WWOX: variants seen among roughly 807,000 people sequenced by gnomAD.
WWOX encodes the protein WW domain-containing oxidoreductase.
A neutral mutation model predicts 46.2 loss-of-function variants in WWOX; 69 were observed. The observed-to-expected ratio is 1.49, with a 90% CI of 1.23 to 1.82. WWOX has a LOEUF of 1.82. Ranked by LOEUF, WWOX falls within the 40% of genes most tolerant of loss-of-function variation. WWOX has a pLI of 0.00. For missense variants in WWOX, 919 were observed against 542.6 expected (o/e 1.69, Z -6.89); for synonymous variants, 359 against 202.6 (o/e 1.77, Z -6.56).
Position 78,346,463 on chromosome 16 carries a change from T to A in WWOX, c.517-40397T>A, listed in dbSNP as rs539984114. Among the ~76,000 whole-genome samples, 83 of 120,156 alleles carry A rather than the reference T, an allele frequency of 6.9e-4. 19 individuals are homozygous for A. Among genetic ancestry groups the A allele is most frequent in the African/African-American group, 2.3e-3 (81 of 35,506 alleles). 78.8% of individuals were successfully genotyped at this position (120,156 alleles called of 152,430 possible). A position where few individuals can be genotyped will look rare whatever the true frequency, so the allele number is the denominator to read the frequency against. On this transcript the variant is annotated intron_variant, in intron 5 of 8. Transcript: ENST00000566780. ...CCGTATAGGGCTATGTATAACTTTT[T>A]AAGAGGTTGGCAAATACTTCCCTAA... is the stretch of plus-strand genomic sequence containing the variant.
At chr16:78,953,482 A>G (rs2046103996) in intron 8 of WWOX, among the ~76,000 whole-genome samples, 1 of 152,098 alleles carries the variant, frequency 6.6e-6, no homozygotes, top group East Asian at 1.9e-4. Flanking sequence ...TATGCAGTTT[A>G]AATTGCTGAT....
intron 8 of WWOX, among the ~76,000 whole-genome samples, chr16:78,438,156 A>G (rs958820676): frequency 6.6e-6 from 1 of 152,236 alleles, no homozygotes; most frequent in Non-Finnish European, 1.5e-5. Flanking sequence ...TGCTTTATGT[A>G]TCAGCATATA....
intron 6 of WWOX, among the ~76,000 whole-genome samples, chr16:78,413,587 A>G (rs1399611426): frequency 1.3e-5 from 2 of 152,054 alleles, no homozygotes; most frequent in Non-Finnish European, 2.9e-5. Flanking sequence ...GGGGAATGTC[A>G]TCAGTTAAGG....
intron 5 of WWOX, among the ~76,000 whole-genome samples, chr16:78,189,221 C>G (rs138017889): frequency 1.2e-4 from 19 of 152,290 alleles, no homozygotes; most frequent in Non-Finnish European, 2.2e-4. Flanking sequence ...GCATGGGGCA[C>G]ATTGTGACAA....
rs562326742 is a variant in WWOX, at chr16:79,085,674, C to A, written c.1057-125934C>A. On this transcript the variant is annotated intron_variant, in intron 8 of 8. Transcript: ENST00000566780. ...TCATCTTTATAATAACTGTTAGTAC[C>A]TAGAAAAATGCATACATTTTATTCC... 2.0e-5 allele frequency among the ~76,000 whole-genome samples: 3 copies of A among 152,072 alleles called. No homozygotes were observed. In the South Asian group the frequency reaches 6.2e-4, roughly 31 times the overall value.
chr16:78,614,422 G>T (rs1478882683), intron 8 of WWOX, among the ~76,000 whole-genome samples: 1 of 152,196 alleles, frequency 6.6e-6, no homozygotes, highest in East Asian at 1.9e-4. Context: ...TTTGAGCCGG[G>T]GCCCTGAGGT....
At chr16:79,063,785 A>C (rs2048395277) in intron 8 of WWOX, among the ~76,000 whole-genome samples, 1 of 152,342 alleles carries the variant, frequency 6.6e-6, no homozygotes, top group East Asian at 1.9e-4. Context: ...ATGAAAATAG[A>C]GCAAACATCC....
intron 5 of WWOX, among the ~76,000 whole-genome samples, chr16:78,285,248 C>T (rs1020807847): frequency 5.9e-5 from 9 of 152,014 alleles, no homozygotes; most frequent in African/African-American, 2.2e-4. Flanking sequence ...CCCTGGGCAA[C>T]ACAGTGAGAC....
intron 8 of WWOX, among the ~76,000 whole-genome samples, chr16:78,859,113 C>T (rs1457109727): frequency 3.0e-5 from 4 of 132,372 alleles, no homozygotes; most frequent in South Asian, 2.6e-4. Context: ...CAACTATAAT[C>T]GATGAAGTGG....
chr16:78,914,640 G>A (rs2045199775), intron 8 of WWOX, among the ~76,000 whole-genome samples: 1 of 151,856 alleles, frequency 6.6e-6, no homozygotes, highest in African/African-American at 2.4e-5. Flanking sequence ...AGCACTTTGG[G>A]AGGCGGAGGC....
intron 8 of WWOX, among the ~76,000 whole-genome samples, chr16:78,901,586 C>G (rs1295187597): frequency 1.3e-5 from 2 of 152,190 alleles, no homozygotes; most frequent in South Asian, 2.1e-4. Context: ...TTCCCAGACT[C>G]AAGTCATCCT....
intron 4 of WWOX, among the ~76,000 whole-genome samples, chr16:78,142,762 A>G (rs2034031104): frequency 6.6e-6 from 1 of 151,828 alleles, no homozygotes; most frequent in Non-Finnish European, 1.5e-5. Flanking sequence ...CTGAGCAAAG[A>G]TGTTCAAATT....
At chr16:78,818,569 A>G (rs534337961) in intron 8 of WWOX, among the ~76,000 whole-genome samples, 69 of 152,268 alleles carry the variant, frequency 4.5e-4, no homozygotes, top group Middle Eastern at 3.4e-3. Context: ...AATCTCTCCA[A>G]AAAGTTTAAA....
At chr16:79,074,924 A>C (rs888547145) in intron 8 of WWOX, among the ~76,000 whole-genome samples, 7 of 152,146 alleles carry the variant, frequency 4.6e-5, no homozygotes, top group Non-Finnish European at 1.0e-4. Context: ...AGTGTAGTAT[A>C]TACAACAGAT....
intron 5 of WWOX, among the ~76,000 whole-genome samples, chr16:78,385,017 C>T (rs767573991): frequency 1.3e-5 from 2 of 151,994 alleles, no homozygotes; most frequent in Admixed American, 6.6e-5. Context: ...ACCTGTAGTC[C>T]CAGCTAGTCG....
rs2205384 is a variant in WWOX at position 78,841,402 on chromosome 16, T to G, written c.1057-370206T>G. 4.7e-3 allele frequency among the ~76,000 whole-genome samples: 723 copies of G among 152,350 alleles called. 9 individuals are homozygous for G. Among genetic ancestry groups the G allele is most frequent in the African/African-American group, 0.016 (684 of 41,574 alleles). Reference sequence around the variant, plus strand: ...GCAGCTCATGAGAGCAGATTTTGCCTGTTTCTTCCAAAATCTGGATTCAGT... The same window carrying G: ...GCAGCTCATGAGAGCAGATTTTGCCGGTTTCTTCCAAAATCTGGATTCAGT... On this transcript the variant is annotated intron_variant, in intron 8 of 8. Transcript: ENST00000566780.
chr16:79,143,025 C>T (rs2150718535), intron 8 of WWOX, among the ~76,000 whole-genome samples: 1 of 151,912 alleles, frequency 6.6e-6, no homozygotes, highest in South Asian at 2.1e-4. Context: ...TTTTAAATAG[C>T]ATTTTGGAGA....
At chr16:78,640,080 G>A (rs1363379262) in intron 8 of WWOX, among the ~76,000 whole-genome samples, 1 of 152,090 alleles carries the variant, frequency 6.6e-6, no homozygotes, top group Non-Finnish European at 1.5e-5. Context: ...TAAATGAGGG[G>A]TTCAAAATAG....
At chr16:78,984,216 G>T (rs2046740547) in intron 8 of WWOX, among the ~76,000 whole-genome samples, 1 of 151,984 alleles carries the variant, frequency 6.6e-6, no homozygotes, top group East Asian at 1.9e-4. Context: ...TTTGAGTCCG[G>T]TATAACCATG....
Sources: gnomAD v4.1 joint callset for allele counts (sites outside exome capture counted in the v4.1 genomes callset) on GRCh38, gnomAD v4.1.1 for gene constraint, MANE v1.5 for transcripts, NCBI Gene and HGNC (gene_info 2026-07-23, HGNC 2026-07-21) for gene names.